The following CALB2 variants were observed in gnomAD, a reference collection of about 807,000 sequenced individuals.
CALB2 encodes calretinin.
In CALB2, 34 loss-of-function variants were observed where a neutral mutation model predicts 45.9. The ratio of observed to expected loss-of-function variants is 0.74; its 90% confidence interval spans 0.56 to 0.99. CALB2 has a LOEUF of 0.99. Among genes scored for constraint, CALB2 ranks in the 50% least tolerant of loss-of-function variants. CALB2 has a pLI of 0.00. For missense variants in CALB2, 344 were observed against 339.3 expected, an observed-to-expected ratio of 1.01 and a Z score of -0.11; for synonymous variants, 142 against 129.6, an observed-to-expected ratio of 1.10 and a Z score of -0.65.
chr16:71,371,249 G>A (rs1015394310), intron 1 of CALB2, among the ~76,000 whole-genome samples: 2 of 152,166 alleles, frequency 1.3e-5, no homozygotes, highest in African/African-American at 4.8e-5. Context: ...CAGGTGGGAT[G>A]CCTCTCCTAC....
intron 4 of CALB2, among the ~76,000 whole-genome samples, chr16:71,382,326 A>G (rs1446764021): frequency 6.6e-6 from 1 of 152,136 alleles, no homozygotes; most frequent in Non-Finnish European, 1.5e-5. Flanking sequence ...TCTCTTCTCC[A>G]CCAGATGATG....
intron 4 of CALB2, among the ~76,000 whole-genome samples, chr16:71,382,251 C>T (rs778104970): frequency 1.1e-4 from 16 of 152,158 alleles, no homozygotes; most frequent in East Asian, 3.8e-4. Flanking sequence ...CATGGTTCTC[C>T]GGGCATCTTT....
intron 1 of CALB2, among the ~76,000 whole-genome samples, chr16:71,363,999 C>G (rs1404138975): frequency 6.6e-6 from 1 of 152,164 alleles, no homozygotes; most frequent in Admixed American, 6.5e-5. Context: ...CCTGACCCAT[C>G]TGGGGTAGGC....
intron 4 of CALB2, among the ~76,000 whole-genome samples, chr16:71,380,148 C>G (rs60352330): frequency 0.13 from 20,410 of 151,856 alleles, 1,464 homozygotes; most frequent in South Asian, 0.19. Flanking sequence ...GATGGTGGCA[C>G]CTTGTAGGGG....
intron 1 of CALB2, among the ~76,000 whole-genome samples, chr16:71,369,234 A>G (rs2042319501): frequency 6.6e-6 from 1 of 152,284 alleles, no homozygotes; most frequent in South Asian, 2.1e-4. Context: ...ATCCTCTTTA[A>G]TCTTCATGGC....
At position 71,383,992 on chromosome 16, in the gene CALB2, G is replaced by T; in HGVS notation, c.500G>T (p.Gly167Val). 1 of 1,613,866 alleles carries T rather than the reference G, an allele frequency of 6.2e-7. No homozygotes were observed. The highest frequency in any genetic ancestry group is 8.5e-7 in the Non-Finnish European group (1 of 1,179,864). The change falls in exon 7 of 11, where the codon GGG (glycine) becomes GTG (valine). Residue 167 changes from glycine (G) to valine (V), a missense_variant. Coordinates refer to ENST00000302628, the MANE Select transcript of CALB2 (RefSeq NM_001740.5). ...CAGCTACGGATGTTTGACTTGAACG[G>T]GGATGGCAAATTGGGCCTCTCAGAG... is the stretch of plus-strand genomic sequence containing the variant. ...QTILRMFDLN[G>V]DGKLGLSEMS...
chr16:71,364,220 T>A (rs117671439), intron 1 of CALB2, among the ~76,000 whole-genome samples: 13,336 of 151,916 alleles, frequency 0.088, 1,293 homozygotes, highest in East Asian at 0.29. Flanking sequence ...GAGCTGGGGC[T>A]CCCCGGGGGA....
chr16:71,364,788 G>A (rs2042266222), intron 1 of CALB2, among the ~76,000 whole-genome samples: 1 of 152,184 alleles, frequency 6.6e-6, no homozygotes, highest in Non-Finnish European at 1.5e-5. Flanking sequence ...TCTTCACTCT[G>A]GGGCTTATTC....
chr16:71,373,914 G>A (rs1296025031), intron 2 of CALB2, among the ~76,000 whole-genome samples: 2 of 152,206 alleles, frequency 1.3e-5, no homozygotes, highest in Non-Finnish European at 2.9e-5. Flanking sequence ...AGGGATTCAG[G>A]AAACTCTCAG....
chr16:71,374,853 G>A lies in CALB2; in HGVS notation c.261+19G>A, dbSNP rs2042392995. ...GGCAGAGGTGAGCCCTGCCTCGCTG[G>A]TAAAGAGCTGTGTGGGAGGGGCCCT... On this transcript the variant is annotated intron_variant, in intron 3 of 10. Transcript: ENST00000302628. The A allele has an allele frequency of 6.4e-6, 10 of 1,557,036 alleles. No homozygotes were observed. Among genetic ancestry groups the A allele is most frequent in the Non-Finnish European group, 8.9e-6 (10 of 1,128,950 alleles).
intron 3 of CALB2, 23 bp from the exon 4 acceptor site, chr16:71,377,644 T>C: frequency 6.3e-7 from 1 of 1,576,534 alleles, no homozygotes; most frequent in Non-Finnish European, 8.7e-7. Context: ...ATAACGTTAG[T>C]GTCGCTCTCT....
chr16:71,371,918 G>C (rs1310192937), intron 1 of CALB2, among the ~76,000 whole-genome samples: 1 of 152,164 alleles, frequency 6.6e-6, no homozygotes, highest in African/African-American at 2.4e-5. Context: ...TGTCCTCTCG[G>C]ACCCTGTGCT....
intron 4 of CALB2, among the ~76,000 whole-genome samples, chr16:71,380,156 G>C (rs9935618): frequency 1.2e-4 from 18 of 151,752 alleles, no homozygotes; most frequent in Middle Eastern, 3.4e-3. Flanking sequence ...CACCTTGTAG[G>C]GGGGGCAGGG....
chr16:71,373,828 G>A (rs941389507), intron 2 of CALB2, among the ~76,000 whole-genome samples: 1 of 152,188 alleles, frequency 6.6e-6, no homozygotes, highest in African/African-American at 2.4e-5. Context: ...ATGTACCTTT[G>A]TAAATATAAA....
At chr16:71,383,330 C>A in intron 5 of CALB2, 37 bp from the exon 6 acceptor site, 3 of 1,583,038 alleles carry the variant, frequency 1.9e-6, no homozygotes, top group Non-Finnish European at 2.6e-6. Context: ...ACCGAATGCA[C>A]GAGTCAGGAG....
At chr16:71,368,858 G>A (rs923878764) in intron 1 of CALB2, among the ~76,000 whole-genome samples, 1 of 152,074 alleles carries the variant, frequency 6.6e-6, no homozygotes, top group African/African-American at 2.4e-5. Context: ...TTTCCTGCTG[G>A]GCGAGGCACT....
intron 1 of CALB2, among the ~76,000 whole-genome samples, chr16:71,366,020 C>CT (rs2042281945): frequency 1.0e-4 from 3 of 28,874 alleles, no homozygotes; most frequent in African/African-American, 2.7e-4. Flanking sequence ...TTCCCTCTCT[C>CT]TCTCTTTTTT....
chr16:71,382,026 G>GAGGAGGAGGAGGAGT (rs2042498408), intron 4 of CALB2, among the ~76,000 whole-genome samples: 5 of 127,662 alleles, frequency 3.9e-5, no homozygotes, highest in Admixed American at 7.8e-5. Context: ...AGAGGAGGAG[G>GAGGAGGAGGAGGAGT]AGGAGGAGGA....
rs1422855356 is a variant in CALB2, at chr16:71,358,755, C to A, written c.-38C>A. 6 of 1,528,038 alleles carry A rather than the reference C, an allele frequency of 3.9e-6. No homozygotes were observed. The highest frequency in any genetic ancestry group is 5.4e-6 in the Non-Finnish European group (6 of 1,118,422). 94.7% of individuals were successfully genotyped at this position (1,528,038 alleles called of 1,614,324 possible). A position where few individuals can be genotyped will look rare whatever the true frequency, so the allele number is the denominator to read the frequency against. ...GTGCCAGAGCCCAGCCGGCGCGGAG[C>A]GGGAGCGGTGCAGGCTGAGGTCTCC... On this transcript the variant is annotated 5_prime_UTR_variant, in exon 1 of 11. Transcript: ENST00000302628.
Sources: gnomAD v4.1 joint callset for allele counts (sites outside exome capture counted in the v4.1 genomes callset) on GRCh38, gnomAD v4.1.1 for gene constraint, MANE v1.5 for transcripts, NCBI Gene and HGNC (gene_info 2026-07-23, HGNC 2026-07-21) for gene names.